ANKS1B: variants seen among roughly 807,000 people sequenced by gnomAD.
ANKS1B encodes the protein ankyrin repeat and sterile alpha motif domain-containing protein 1B.
A neutral mutation model predicts 148.3 loss-of-function variants in ANKS1B; 36 were observed. The ratio of observed to expected loss-of-function variants is 0.24; its 90% CI spans 0.19 to 0.32. The LOEUF is 0.32. Among genes scored for constraint, ANKS1B ranks in the 10% least tolerant of loss-of-function variants. ANKS1B has a pLI of 1.00. For missense variants in ANKS1B, 1,157 were observed against 1,542.6 expected, an observed-to-expected ratio of 0.75 and a Z score of 4.19; for synonymous variants, 542 against 560.8, an observed-to-expected ratio of 0.97 and a Z score of 0.47.
chr12:99,090,309 C>G (rs548382968), intron 15 of ANKS1B, among the ~76,000 whole-genome samples: 1 of 152,242 alleles, frequency 6.6e-6, no homozygotes, highest in Non-Finnish European at 1.5e-5. Flanking sequence ...ATTTAGCAAG[C>G]TTTCCTTCAT....
rs1365803782 is a variant in ANKS1B at position 99,874,506 on chromosome 12, T to C, written c.135-49117A>G. On this transcript the variant is annotated intron_variant, in intron 1 of 26. Coordinates refer to ENST00000683438, the MANE Select transcript of ANKS1B (RefSeq NM_001352186.2). ...ATATTTTGGATTCCAGATTCTGTCA[T>C]TTCAATACATTTACAAATACTCTCA... 2.0e-5 allele frequency among the ~76,000 whole-genome samples: 3 copies of C among 152,312 alleles called. No homozygotes were observed. In the East Asian group the frequency reaches 5.8e-4, roughly 29 times the overall value.
At chr12:98,806,808 T>G (rs2153611753) in intron 20 of ANKS1B, among the ~76,000 whole-genome samples, 1 of 152,330 alleles carries the variant, frequency 6.6e-6, no homozygotes, top group East Asian at 1.9e-4. Context: ...CAGAGATGGC[T>G]ACTTACGAAC....
chr12:98,866,918 G>GGATCAT (rs1335350075), intron 17 of ANKS1B, among the ~76,000 whole-genome samples: 2 of 152,168 alleles, frequency 1.3e-5, no homozygotes, highest in Non-Finnish European at 2.9e-5. Context: ...ATATGGGCAA[G>GGATCAT]GATCATGCTT....
intron 17 of ANKS1B, among the ~76,000 whole-genome samples, chr12:98,987,530 T>A (rs186303259): frequency 1.7e-3 from 266 of 152,314 alleles, no homozygotes; most frequent in South Asian, 7.7e-3. Flanking sequence ...AGTAACATTT[T>A]ATACCCACTC....
intron 15 of ANKS1B, among the ~76,000 whole-genome samples, chr12:99,105,539 C>T (rs7979926): frequency 0.077 from 11,407 of 148,664 alleles, 1,020 homozygotes; most frequent in African/African-American, 0.21. Context: ...GAGGCCGAGG[C>T]GGGCGGATCA....
chr12:99,648,935 C>G, intron 9 of ANKS1B: 1 of 1,175,086 alleles, frequency 8.5e-7, no homozygotes, highest in Non-Finnish European at 1.2e-6. Flanking sequence ...CATTTGGAGG[C>G]CATGGTACAT....
intron 22 of ANKS1B, chr12:98,795,628 C>T (rs757890758): frequency 6.7e-6 from 3 of 450,894 alleles, no homozygotes; most frequent in South Asian, 4.8e-5. Flanking sequence ...CTGGGTACAA[C>T]ATCTGTTTAT....
chr12:99,396,805 G>A (rs1427875985), intron 12 of ANKS1B, among the ~76,000 whole-genome samples: 1 of 152,024 alleles, frequency 6.6e-6, no homozygotes, highest in Non-Finnish European at 1.5e-5. Flanking sequence ...AAAATTTGTT[G>A]AAAACCGATT....
In ANKS1B at chr12:99,373,133, C is replaced by T. The variant is rs577603886; in HGVS notation, c.1756+26498G>A. On this transcript the variant is annotated intron_variant, in intron 12 of 26. Coordinates refer to ENST00000683438, the MANE Select transcript of ANKS1B (RefSeq NM_001352186.2). Reference sequence around the variant, plus strand: ...TTCATTTTTACATATATCTTACTTACCCCTGGAGTTCCATAGCAGAGGTGG... The same window carrying T: ...TTCATTTTTACATATATCTTACTTATCCCTGGAGTTCCATAGCAGAGGTGG... Among the ~76,000 whole-genome samples the T allele has an allele frequency of 2.6e-5, 4 of 152,088 alleles. No individual in the cohort carries two copies. The South Asian group carries it at 8.3e-4, about 32-fold the overall frequency.
intron 1 of ANKS1B, among the ~76,000 whole-genome samples, chr12:99,966,908 T>C (rs1566102708): frequency 6.6e-6 from 1 of 152,166 alleles, no homozygotes; most frequent in Non-Finnish European, 1.5e-5. Context: ...ACTAAATCTT[T>C]GGTGACCAGT....
rs17029338 is a variant in ANKS1B at position 99,393,429 on chromosome 12, G to T, written c.1756+6202C>A. Among the ~76,000 whole-genome samples the T allele has an allele frequency of 3.7e-3, 568 of 152,304 alleles. 35 individuals carry two copies. The East Asian group carries it at 0.087, about 23-fold the overall frequency. On this transcript the variant is annotated intron_variant, in intron 12 of 26. Transcript: ENST00000683438. Reference sequence around the variant, plus strand: ...TGAGGAGCCTTGGCACCTCAAGGAAGAGTGGGACAAAGTATAGAAGAAGTG... The same window carrying T: ...TGAGGAGCCTTGGCACCTCAAGGAATAGTGGGACAAAGTATAGAAGAAGTG...
chr12:99,338,118 TA>T (rs748334574), intron 12 of ANKS1B, among the ~76,000 whole-genome samples: 5 of 151,982 alleles, frequency 3.3e-5, no homozygotes, highest in Non-Finnish European at 7.4e-5. Flanking sequence ...TTCAGGGAGG[TA>T]AGCTCCCACT....
chr12:99,813,322 C>A (rs1040726902), intron 2 of ANKS1B, among the ~76,000 whole-genome samples: 1 of 151,384 alleles, frequency 6.6e-6, no homozygotes, highest in Admixed American at 6.6e-5. Flanking sequence ...CATTTGGATG[C>A]ATTTAAGAAG....
At chr12:99,931,618 A>G (rs1313652015) in intron 1 of ANKS1B, among the ~76,000 whole-genome samples, 1 of 152,146 alleles carries the variant, frequency 6.6e-6, no homozygotes, top group African/African-American at 2.4e-5. Context: ...AGCAACATCA[A>G]TGAAAGGTTT....
intron 1 of ANKS1B, among the ~76,000 whole-genome samples, chr12:99,884,763 G>C (rs988108895): frequency 6.6e-6 from 1 of 152,158 alleles, no homozygotes. Flanking sequence ...GACTACAAAA[G>C]AGCAGACTGA....
chr12:98,794,914 G>A (rs2098933992), intron 22 of ANKS1B: 3 of 1,488,840 alleles, frequency 2.0e-6, no homozygotes, highest in Non-Finnish European at 2.8e-6. Flanking sequence ...GAAGCAGTTG[G>A]AAGAGAAAAT....
chr12:99,589,256 TCAC>T (rs1435340429), intron 9 of ANKS1B, among the ~76,000 whole-genome samples: 2 of 152,198 alleles, frequency 1.3e-5, no homozygotes, highest in African/African-American at 4.8e-5. Context: ...GTGCTTAAGG[TCAC>T]CACGTTACTA....
intron 17 of ANKS1B, among the ~76,000 whole-genome samples, chr12:98,836,970 A>T (rs577187239): frequency 2.0e-4 from 31 of 152,278 alleles, no homozygotes; most frequent in African/African-American, 7.2e-4. Context: ...TCACACCATT[A>T]ACTAAGAAAA....
chr12:98,815,573 C>A (rs1250432157), intron 19 of ANKS1B, among the ~76,000 whole-genome samples: 2 of 152,186 alleles, frequency 1.3e-5, no homozygotes, highest in Admixed American at 6.5e-5. Flanking sequence ...TCTCCTTTTG[C>A]ATTTATTAAA....
Sources: allele counts gnomAD v4.1 joint callset (sites outside exome capture counted in the v4.1 genomes callset), GRCh38; gene constraint gnomAD v4.1.1; transcripts MANE v1.5; gene names NCBI Gene and HGNC (gene_info 2026-07-23, HGNC 2026-07-21).